KCNQ5: variants seen among roughly 807,000 people sequenced by gnomAD.
KCNQ5 encodes potassium voltage-gated channel subfamily KQT member 5.
Under a neutral mutation model 98.2 loss-of-function variants are expected in KCNQ5, and 30 were observed. The ratio of observed to expected loss-of-function variants is 0.31; its 90% CI spans 0.23 to 0.41. The LOEUF (loss-of-function observed/expected upper bound fraction) is 0.41. Among genes scored for constraint, KCNQ5 ranks in the 10% least tolerant of loss-of-function variants. The probability of loss-of-function intolerance (pLI) is 1.00; values close to 1 mark genes in which losing one functional copy is unlikely to be tolerated. For synonymous variants in KCNQ5, 458 were observed against 449.4 expected (o/e 1.02, Z -0.24); for missense variants, 835 against 1,182.5 (o/e 0.71, Z 4.31).
chr6:72,762,329 G>T (rs778617455), intron 1 of KCNQ5, among the ~76,000 whole-genome samples: 69 of 151,936 alleles, frequency 4.5e-4, no homozygotes, highest in Non-Finnish European at 9.1e-4. Flanking sequence ...GGAGGTCCCA[G>T]TGTAAAAAGC....
At chr6:72,937,092 G>A (rs1243544587) in intron 1 of KCNQ5, among the ~76,000 whole-genome samples, 1 of 152,178 alleles carries the variant, frequency 6.6e-6, no homozygotes, top group East Asian at 1.9e-4. Context: ...ACACATATGA[G>A]CTGAGGATTT....
intron 10 of KCNQ5, among the ~76,000 whole-genome samples, chr6:73,142,194 C>G (rs1041784265): frequency 2.0e-5 from 3 of 152,130 alleles, no homozygotes; most frequent in African/African-American, 7.2e-5. Context: ...GCCATCGCTT[C>G]TTTCATGTGT....
At chr6:72,806,213 C>T (rs900672455) in intron 1 of KCNQ5, among the ~76,000 whole-genome samples, 1 of 152,098 alleles carries the variant, frequency 6.6e-6, no homozygotes, top group African/African-American at 2.4e-5. Context: ...CACCATACAG[C>T]ATTAATTTCT....
intron 1 of KCNQ5, among the ~76,000 whole-genome samples, chr6:72,945,742 A>T (rs191060677): frequency 6.6e-5 from 10 of 152,246 alleles, no homozygotes; most frequent in Admixed American, 6.5e-4. Context: ...GGCATGAGCC[A>T]CTGCTCCCCA....
Position 73,195,145 on chromosome 6 carries a change from A to G in KCNQ5, c.2530A>G (p.Ile844Val), listed in dbSNP as rs574773458. The stretch of plus-strand genomic sequence containing the variant: ...GATCAGGTCGACCGAGGAACTGAAT[A>G]TACAACTTTCAGGGAGTGAGTCAAG... ...NLIRSTEELN[I>V]QLSGSESSGS... The change falls in exon 14 of 14, where the codon ATA (isoleucine) becomes GTA (valine). Residue 844 changes from isoleucine to valine, a missense_variant. Ile to Val is a conservative substitution (Grantham distance 29, BLOSUM62 3). Around this residue, in one of 10 missense-constraint regions of KCNQ5, gnomAD observed 416 missense variants for 446.9 expected, o/e 0.93. Coordinates refer to ENST00000370398, the MANE Select transcript of KCNQ5 (RefSeq NM_019842.4). 38 of 1,614,236 alleles carry G rather than the reference A, an allele frequency of 2.4e-5. No individual in the cohort carries two copies. The East Asian group carries it at 5.1e-4, about 22-fold the overall frequency.
At chr6:73,125,198 C>T (rs1166524295) in intron 9 of KCNQ5, among the ~76,000 whole-genome samples, 1 of 151,386 alleles carries the variant, frequency 6.6e-6, no homozygotes, top group Non-Finnish European at 1.5e-5. Flanking sequence ...CCCAAAAATT[C>T]CCCAAATAAT....
intron 5 of KCNQ5, among the ~76,000 whole-genome samples, chr6:73,103,176 T>G (rs945729742): frequency 6.6e-6 from 1 of 152,196 alleles, no homozygotes; most frequent in Admixed American, 6.5e-5. Flanking sequence ...GAGCTCATTT[T>G]GTTGAGTAAA....
intron 1 of KCNQ5, among the ~76,000 whole-genome samples, chr6:72,693,517 AG>A (rs1490955931): frequency 6.6e-6 from 1 of 152,164 alleles, no homozygotes; most frequent in Non-Finnish European, 1.5e-5. Flanking sequence ...TAGCAGGGCA[AG>A]GGAGTAAAAG....
intron 11 of KCNQ5, among the ~76,000 whole-genome samples, chr6:73,174,958 T>G (rs532217205): frequency 6.6e-6 from 1 of 152,210 alleles, no homozygotes; most frequent in African/African-American, 2.4e-5. Context: ...TTTTCCTTTC[T>G]GAGCTCCACC....
intron 3 of KCNQ5, chr6:73,055,236 AT>A (rs745788597): frequency 1.5e-4 from 189 of 1,245,300 alleles, no homozygotes; most frequent in Middle Eastern, 2.7e-4. Flanking sequence ...GATGCTGGCT[AT>A]GAGTTTGACA....
At chr6:73,117,838 G>T (rs954828965) in intron 7 of KCNQ5, among the ~76,000 whole-genome samples, 4 of 152,060 alleles carry the variant, frequency 2.6e-5, no homozygotes, top group Admixed American at 6.6e-5. Context: ...AATTGTGCAG[G>T]TATAATATTT....
At chr6:72,689,015 A>G (rs759593062) in intron 1 of KCNQ5, among the ~76,000 whole-genome samples, 1 of 152,234 alleles carries the variant, frequency 6.6e-6, no homozygotes. Context: ...AAGAGTTTTG[A>G]CTATTAAAAA....
intron 1 of KCNQ5, among the ~76,000 whole-genome samples, chr6:72,771,248 G>C (rs1772859376): frequency 6.6e-6 from 1 of 152,062 alleles, no homozygotes; most frequent in South Asian, 2.1e-4. Context: ...TAGGCATTTA[G>C]GGCTCAGACA....
At chr6:72,717,561 T>C (rs955183811) in intron 1 of KCNQ5, among the ~76,000 whole-genome samples, 5 of 152,192 alleles carry the variant, frequency 3.3e-5, no homozygotes, top group Non-Finnish European at 5.9e-5. Flanking sequence ...AAATAACACA[T>C]GTATTGTCAG....
chr6:72,713,379 A>G (rs1022382012), intron 1 of KCNQ5, among the ~76,000 whole-genome samples: 2 of 152,064 alleles, frequency 1.3e-5, no homozygotes, highest in Non-Finnish European at 2.9e-5. Flanking sequence ...CATCCCATCA[A>G]CCTGTTCATC....
At chr6:72,920,466 G>A (rs550728271) in intron 1 of KCNQ5, among the ~76,000 whole-genome samples, 14 of 152,092 alleles carry the variant, frequency 9.2e-5, no homozygotes, top group East Asian at 1.9e-4. Context: ...AAGATAATCC[G>A]TGACCCTACG....
chr6:72,802,926 T>C (rs995803974), intron 1 of KCNQ5, among the ~76,000 whole-genome samples: 2 of 152,180 alleles, frequency 1.3e-5, no homozygotes, highest in Non-Finnish European at 2.9e-5. Context: ...AACGTCATCA[T>C]TGTATTGCCG....
intron 2 of KCNQ5, among the ~76,000 whole-genome samples, chr6:73,025,734 A>G (rs1770852430): frequency 6.6e-6 from 1 of 151,516 alleles, no homozygotes; most frequent in Non-Finnish European, 1.5e-5. Context: ...GGTTCTTCCC[A>G]TATCTGCTGT....
intron 1 of KCNQ5, among the ~76,000 whole-genome samples, chr6:72,718,597 C>T (rs1343879796): frequency 2.0e-5 from 3 of 151,634 alleles, no homozygotes; most frequent in East Asian, 3.9e-4. Flanking sequence ...ACTACAGGTA[C>T]GTGCCACCAT....
Sources: gnomAD v4.1 joint callset for allele counts (sites outside exome capture counted in the v4.1 genomes callset) on GRCh38, gnomAD v4.1.1 for gene constraint, gnomAD v4.1.1 regional missense constraint, MANE v1.5 for transcripts, NCBI Gene and HGNC (gene_info 2026-07-23, HGNC 2026-07-21) for gene names.